The following CLYBL variants were observed in gnomAD, a reference collection of about 807,000 sequenced individuals.
CLYBL encodes citramalyl-CoA lyase.
CLYBL carries 31 observed loss-of-function variants against 38.9 expected under a neutral mutation model. The ratio of observed to expected loss-of-function variants is 0.80; its 90% CI spans 0.60 to 1.08. The LOEUF (loss-of-function observed/expected upper bound fraction) is 1.08, where lower values mean the gene tolerates loss of function less well. Ranked by LOEUF, CLYBL falls within the 50% of genes least tolerant of loss-of-function variation. The pLI, the probability that CLYBL is intolerant of heterozygous loss-of-function variation, is 0.00. For missense variants in CLYBL, 434 were observed against 411.6 expected, an observed-to-expected ratio of 1.05 and a Z score of -0.47; for synonymous variants, 171 against 158.6, an observed-to-expected ratio of 1.08 and a Z score of -0.59.
intron 7 of CLYBL, among the ~76,000 whole-genome samples, chr13:99,889,573 T>C (rs1488455401): frequency 2.6e-5 from 4 of 152,122 alleles, no homozygotes; most frequent in African/African-American, 4.8e-5. Context: ...TGACTTACAG[T>C]ACAGGAATTT....
In CLYBL at chr13:99,649,594, T is replaced by C. The variant is rs987922588; in HGVS notation, c.62+42837T>C. On this transcript the variant is annotated intron_variant, in intron 1 of 8. Transcript: ENST00000339105. ...AATGTTCTATGAGTCCACCAGGCGC[T>C]GTGGCTCACGCCTGTAATCCCAGCA... is the stretch of plus-strand genomic sequence containing the variant. Among the ~76,000 whole-genome samples the C allele has an allele frequency of 2.6e-5, 4 of 152,100 alleles. 1 individual carries two copies. The highest frequency in any genetic ancestry group is 1.3e-4 in the Admixed American group (2 of 15,270).
intron 1 of CLYBL, among the ~76,000 whole-genome samples, chr13:99,619,122 C>A (rs983967589): frequency 3.3e-5 from 5 of 152,142 alleles, no homozygotes; most frequent in Non-Finnish European, 5.9e-5. Context: ...ATGTGGTATC[C>A]CCTCCAAAAT....
intron 1 of CLYBL, among the ~76,000 whole-genome samples, chr13:99,635,314 A>ACG (rs2047003980): frequency 2.0e-5 from 3 of 151,528 alleles, no homozygotes; most frequent in Admixed American, 6.6e-5. Flanking sequence ...CGCCCCCCAC[A>ACG]CCCCCAACCT....
intron 1 of CLYBL, among the ~76,000 whole-genome samples, chr13:99,638,459 C>T (rs1247112964): frequency 3.3e-5 from 5 of 152,230 alleles, no homozygotes; most frequent in Non-Finnish European, 4.4e-5. Context: ...TTTACAACAT[C>T]ATCTGAACAA....
chr13:99,840,750 CAAAAAAAAAAAA>C (rs59274056), intron 2 of CLYBL, among the ~76,000 whole-genome samples: 21 of 16,814 alleles, frequency 1.2e-3, no homozygotes, highest in Admixed American at 3.5e-3. Flanking sequence ...ACCCTTGTCT[CAAAAAAAAAAAA>C]AAAAAAAAAA....
intron 1 of CLYBL, among the ~76,000 whole-genome samples, chr13:99,725,774 A>C (rs141817767): frequency 3.3e-5 from 5 of 152,264 alleles, no homozygotes; most frequent in Non-Finnish European, 5.9e-5. Flanking sequence ...ATGGACTGGA[A>C]CGGCTCCCGG....
intron 1 of CLYBL, among the ~76,000 whole-genome samples, chr13:99,647,018 C>G (rs942744264): frequency 7.2e-5 from 11 of 152,174 alleles, no homozygotes; most frequent in African/African-American, 2.7e-4. Context: ...TCCGCACGCT[C>G]TGGCCTCCCA....
intron 1 of CLYBL, among the ~76,000 whole-genome samples, chr13:99,646,975 C>G (rs2139289149): frequency 6.6e-6 from 1 of 152,224 alleles, no homozygotes; most frequent in East Asian, 1.9e-4. Context: ...TGGGCAGGGC[C>G]CCTTCCCCTC....
exon 10 of CLYBL, among the ~76,000 whole-genome samples, chr13:99,908,864 GAATA>G (rs961191737): frequency 7.2e-5 from 11 of 152,254 alleles, no homozygotes; most frequent in African/African-American, 2.2e-4. Flanking sequence ...GTGAGTTAAT[GAATA>G]AATAAACAAA....
At chr13:99,619,918 A>G (rs1297746765) in intron 1 of CLYBL, among the ~76,000 whole-genome samples, 1 of 152,214 alleles carries the variant, frequency 6.6e-6, no homozygotes, top group African/African-American at 2.4e-5. Context: ...GAGATTGAAG[A>G]TAAAAGCTCT....
At chr13:99,746,028 C>CA (rs11419450) in intron 1 of CLYBL, among the ~76,000 whole-genome samples, 68,350 of 135,802 alleles carry the variant, frequency 0.5, 16,255 homozygotes, top group East Asian at 0.66. Flanking sequence ...TGACAGTTAC[C>CA]AAAAAAAAAA....
intron 2 of CLYBL, among the ~76,000 whole-genome samples, chr13:99,819,169 C>G (rs2050522443): frequency 1.3e-5 from 2 of 151,452 alleles, no homozygotes; most frequent in Admixed American, 1.3e-4. Flanking sequence ...AACATAATAT[C>G]TCTACAAAAG....
chr13:99,736,996 TTTTC>T (rs1454416169), intron 1 of CLYBL, among the ~76,000 whole-genome samples: 7 of 152,166 alleles, frequency 4.6e-5, no homozygotes, highest in Non-Finnish European at 8.8e-5. Flanking sequence ...CCCTTTAGAT[TTTTC>T]TTTCTTTTTT....
rs112954944 is a variant in CLYBL at position 99,878,526 on chromosome 13, T to C, written c.927+7464T>C. ...AATTTTTAAAAATCTTTAAAGAAGA[T>C]TTCTGGTTTCAAAAAGAAATCTGAG... On this transcript the variant is annotated intron_variant, in intron 7 of 8. Transcript: ENST00000339105. Among the ~76,000 whole-genome samples the C allele has an allele frequency of 3.0e-3, 461 of 152,326 alleles. 3 individuals are homozygous for C. Among genetic ancestry groups the C allele is most frequent in the Middle Eastern group, 0.024 (7 of 294 alleles).
intron 1 of CLYBL, among the ~76,000 whole-genome samples, chr13:99,761,693 A>C (rs1165224918): frequency 6.6e-6 from 1 of 152,244 alleles, no homozygotes; most frequent in African/African-American, 2.4e-5. Flanking sequence ...GAGTAGTAGA[A>C]TTGCTGGATC....
At chr13:99,740,971 A>G (rs1305101183) in intron 1 of CLYBL, among the ~76,000 whole-genome samples, 1 of 152,212 alleles carries the variant, frequency 6.6e-6, no homozygotes, top group East Asian at 1.9e-4. Context: ...TGATATTTAT[A>G]AAGCACCTGT....
intron 1 of CLYBL, among the ~76,000 whole-genome samples, chr13:99,715,665 G>A (rs1193339952): frequency 2.0e-5 from 3 of 152,002 alleles, no homozygotes; most frequent in African/African-American, 4.8e-5. Flanking sequence ...CGGCCTGTAC[G>A]GATTTTCAAA....
chr13:99,632,536 G>A (rs1171901868), intron 1 of CLYBL, among the ~76,000 whole-genome samples: 1 of 152,192 alleles, frequency 6.6e-6, no homozygotes, highest in Admixed American at 6.5e-5. Flanking sequence ...GAGGTCAGAA[G>A]TTTGAGACCA....
At chr13:99,754,002 G>A (rs749072556) in intron 1 of CLYBL, among the ~76,000 whole-genome samples, 2 of 141,118 alleles carry the variant, frequency 1.4e-5, no homozygotes, top group Admixed American at 7.7e-5. Context: ...CAGAAGAATC[G>A]CTTGAACCGG....
Sources: allele counts gnomAD v4.1 joint callset (sites outside exome capture counted in the v4.1 genomes callset), GRCh38; gene constraint gnomAD v4.1.1; transcripts MANE v1.5; gene names NCBI Gene and HGNC (gene_info 2026-07-23, HGNC 2026-07-21).